Variants in RALGPS1 observed in about 807,000 individuals in gnomAD.
RALGPS1 encodes the protein ras-specific guanine nucleotide-releasing factor RalGPS1.
A neutral mutation model predicts 78.8 loss-of-function variants in RALGPS1; 19 were observed. The ratio of observed to expected loss-of-function variants is 0.24; its 90% CI spans 0.17 to 0.35. RALGPS1 has a LOEUF of 0.35. Among genes scored for constraint, RALGPS1 ranks in the 10% least tolerant of loss-of-function variants. The probability of loss-of-function intolerance (pLI) is 1.00; values close to 1 mark genes in which losing one functional copy is unlikely to be tolerated. For missense variants in RALGPS1, 454 were observed against 688.3 expected (o/e 0.66, Z 3.81); for synonymous variants, 228 against 256.3 (o/e 0.89, Z 1.06).
At chr9:127,213,195 G>A (rs2130946536) in intron 17 of RALGPS1, 146 bp downstream of exon 17, 1 of 1,447,044 alleles carries the variant, frequency 6.9e-7, no homozygotes, top group Non-Finnish European at 9.1e-7. Flanking sequence ...GTCCATGCTA[G>A]TCCACAAAAG....
At chr9:127,148,221 C>T (rs1203844486) in intron 8 of RALGPS1, among the ~76,000 whole-genome samples, 1 of 152,234 alleles carries the variant, frequency 6.6e-6, no homozygotes, top group East Asian at 1.9e-4. Flanking sequence ...CAGGCTGCCA[C>T]CCCTGCCCAG....
At position 127,066,873 on chromosome 9, in the gene RALGPS1, C is replaced by T. The variant is rs560102302; in HGVS notation, c.484-2357C>T. Reference sequence around the variant, plus strand: ...TGTCACCCAGGCTGGAGTACGGTGGCGCAATCAAGACTCACTACAGACTCA... The same window carrying T: ...TGTCACCCAGGCTGGAGTACGGTGGTGCAATCAAGACTCACTACAGACTCA... On this transcript the variant is annotated intron_variant, in intron 7 of 18. Transcript: ENST00000259351. Among the ~76,000 whole-genome samples the T allele has an allele frequency of 4.7e-4, 71 of 152,112 alleles. No individual in the cohort carries two copies. In the South Asian group the frequency reaches 5.8e-3, roughly 12 times the overall value.
At chr9:127,143,052 T>G (rs886234782) in intron 8 of RALGPS1, among the ~76,000 whole-genome samples, 4 of 152,242 alleles carry the variant, frequency 2.6e-5, no homozygotes, top group African/African-American at 9.6e-5. Context: ...TATTTTTTGT[T>G]AAGTAGTTAT....
chr9:127,165,995 A>G, intron 8 of RALGPS1, 74 bp from the exon 9 acceptor site: 1 of 1,496,540 alleles, frequency 6.7e-7, no homozygotes. Context: ...TTAGCAGATC[A>G]GTACTATTTT....
chr9:127,059,156 C>G (rs748846280), intron 7 of RALGPS1, among the ~76,000 whole-genome samples: 1 of 152,170 alleles, frequency 6.6e-6, no homozygotes, highest in African/African-American at 2.4e-5. Context: ...AGTTCAAAGT[C>G]TTTCATCCAG....
chr9:127,160,499 C>T (rs1396570772), intron 8 of RALGPS1, among the ~76,000 whole-genome samples: 1 of 152,202 alleles, frequency 6.6e-6, no homozygotes, highest in Admixed American at 6.5e-5. Flanking sequence ...TCACCAGGCC[C>T]TGTGTGGGGC....
At chr9:127,074,071 G>C (rs569925038) in intron 8 of RALGPS1, among the ~76,000 whole-genome samples, 1 of 151,996 alleles carries the variant, frequency 6.6e-6, no homozygotes, top group Non-Finnish European at 1.5e-5. Context: ...TGGTAGAGAC[G>C]GGGTTTCACC....
chr9:127,093,372 C>G (rs543313800), intron 8 of RALGPS1, among the ~76,000 whole-genome samples: 1 of 152,288 alleles, frequency 6.6e-6, no homozygotes, highest in Non-Finnish European at 1.5e-5. Flanking sequence ...GAGAGCGGGT[C>G]TTTCCCCATG....
intron 8 of RALGPS1, among the ~76,000 whole-genome samples, chr9:127,148,857 G>C (rs903775033): frequency 1.3e-5 from 2 of 152,248 alleles, no homozygotes; most frequent in African/African-American, 4.8e-5. Flanking sequence ...GGAACAGAAT[G>C]TGGGGATGGC....
Position 126,995,550 on chromosome 9 carries a change from A to G in RALGPS1, c.216+17805A>G, listed in dbSNP as rs539515781. ...ATAAAGCACGTCCTTAGTGACCTACAAAGAGACTTAGACTCCCACACAATA... is the reference window on the plus strand; with the variant it reads ...ATAAAGCACGTCCTTAGTGACCTACGAAGAGACTTAGACTCCCACACAATA... On this transcript the variant is annotated intron_variant, in intron 4 of 18. Coordinates refer to ENST00000259351, the MANE Select transcript of RALGPS1 (RefSeq NM_014636.3). Among the ~76,000 whole-genome samples the G allele has an allele frequency of 2.0e-5, 3 of 152,308 alleles. No individual in the cohort carries two copies. The East Asian group carries it at 5.8e-4, about 29-fold the overall frequency.
chr9:127,183,118 G>A lies in RALGPS1; in HGVS notation c.910+8336G>A, dbSNP rs114451323. On this transcript the variant is annotated intron_variant, in intron 11 of 18. Coordinates refer to ENST00000259351, the MANE Select transcript of RALGPS1 (RefSeq NM_014636.3). This position sits in a 1 kb window ranked among gnomAD's most constrained non-coding sequence, Gnocchi z 4.0. ...AGTGAGAACTCACTCATCACCAGGG[G>A]GATGGTGCTAAGCCATTCATGAAGG... Among the ~76,000 whole-genome samples the A allele has an allele frequency of 7.2e-3, 1,092 of 152,194 alleles. 13 individuals carry two copies. Among genetic ancestry groups the A allele is most frequent in the African/African-American group, 0.026 (1,059 of 41,508 alleles).
intron 1 of RALGPS1, among the ~76,000 whole-genome samples, chr9:126,917,252 G>A (rs921298369): frequency 6.6e-6 from 1 of 152,118 alleles, no homozygotes; most frequent in African/African-American, 2.4e-5. Context: ...TGGCAGAAGC[G>A]GTGTTAATGG....
chr9:127,027,347 G>A (rs1168411529), intron 4 of RALGPS1, among the ~76,000 whole-genome samples: 1 of 152,170 alleles, frequency 6.6e-6, no homozygotes, highest in Non-Finnish European at 1.5e-5. Context: ...ACCAGTTGTA[G>A]GTGGTTTTGG....
chr9:127,055,561 C>T (rs970018968), intron 7 of RALGPS1, among the ~76,000 whole-genome samples: 3 of 152,122 alleles, frequency 2.0e-5, no homozygotes, highest in Admixed American at 2.0e-4. Flanking sequence ...CTGACAGCTA[C>T]CCATTGAGAT....
intron 14 of RALGPS1, among the ~76,000 whole-genome samples, chr9:127,200,052 A>G (rs1264648227): frequency 6.6e-6 from 1 of 152,176 alleles, no homozygotes; most frequent in Non-Finnish European, 1.5e-5. Flanking sequence ...ATACATTCAT[A>G]TAACCACACT....
chr9:127,026,718 G>T (rs1461635574), intron 4 of RALGPS1, among the ~76,000 whole-genome samples: 4 of 152,180 alleles, frequency 2.6e-5, no homozygotes, highest in African/African-American at 9.7e-5. Flanking sequence ...TGTAGGTGTT[G>T]TGACTTTTTT....
intron 11 of RALGPS1, among the ~76,000 whole-genome samples, chr9:127,179,894 G>C (rs966847772): frequency 6.6e-6 from 1 of 152,210 alleles, no homozygotes; most frequent in African/African-American, 2.4e-5. Flanking sequence ...CAAGTCCGAA[G>C]TGGTCTGTGG....
intron 5 of RALGPS1, among the ~76,000 whole-genome samples, chr9:127,037,518 T>C (rs1288785845): frequency 6.6e-6 from 1 of 152,260 alleles, no homozygotes; most frequent in Non-Finnish European, 1.5e-5. Flanking sequence ...TCATGGTTTA[T>C]GTATAATAAC....
chr9:127,093,853 C>T (rs777951105), intron 8 of RALGPS1: 1 of 1,614,100 alleles, frequency 6.2e-7, no homozygotes, highest in African/African-American at 1.3e-5. Flanking sequence ...GGTTGGTGTT[C>T]TCCGGCTTCA....
Sources: allele counts gnomAD v4.1 joint callset (sites outside exome capture counted in the v4.1 genomes callset), GRCh38; gene constraint gnomAD v4.1.1; non-coding constraint Gnocchi (gnomAD v3.1); transcripts MANE v1.5; gene names NCBI Gene and HGNC (gene_info 2026-07-23, HGNC 2026-07-21).